ACSL3: variants seen among roughly 807,000 people sequenced by gnomAD.
The protein encoded by ACSL3 is fatty acid CoA ligase Acsl3.
In ACSL3, 34 loss-of-function variants were observed where a neutral mutation model predicts 84.7. That is an observed-to-expected ratio of 0.40 (90% CI 0.31 to 0.53). The LOEUF (loss-of-function observed/expected upper bound fraction) is 0.53. ACSL3 is among the 20% of genes least tolerant of loss of function. ACSL3 has a pLI of 0.48. For missense variants in ACSL3, 680 were observed against 873.1 expected, an observed-to-expected ratio of 0.78 and a Z score of 2.79; for synonymous variants, 315 against 299.4, an observed-to-expected ratio of 1.05 and a Z score of -0.54.
chr2:222,864,424 G>A (rs1175741109), intron 1 of ACSL3, among the ~76,000 whole-genome samples: 1 of 152,214 alleles, frequency 6.6e-6, no homozygotes, highest in African/African-American at 2.4e-5. Context: ...GATGGAGCTG[G>A]GCAGAGGAGG....
In ACSL3 at chr2:222,908,747, C is replaced by T. The variant is rs766190690; in HGVS notation, c.-26C>T. On this transcript the variant is annotated 5_prime_UTR_variant, in exon 4 of 17. Coordinates refer to ENST00000357430, the MANE Select transcript of ACSL3 (RefSeq NM_004457.5). ...CTTCCTCCTAGATTCTCGCTGAAGT[C>T]TGTTAATTCTACTTTTTGAGTACTT... The T allele has an allele frequency of 2.1e-5, 32 of 1,558,350 alleles. No individual in the cohort carries two copies. The highest frequency in any genetic ancestry group is 2.6e-5 in the Non-Finnish European group (30 of 1,162,716).
chr2:222,899,589 G>A (rs1339878418), intron 2 of ACSL3, among the ~76,000 whole-genome samples: 3 of 152,136 alleles, frequency 2.0e-5, no homozygotes, highest in African/African-American at 7.2e-5. Flanking sequence ...AATTCAGGGC[G>A]AGTCCATAGT....
chr2:222,906,167 TG>T (rs1255217067), intron 3 of ACSL3, among the ~76,000 whole-genome samples: 1 of 152,232 alleles, frequency 6.6e-6, no homozygotes, highest in Non-Finnish European at 1.5e-5. Context: ...TTAACTGACT[TG>T]GCTGAGCTAT....
rs150337253 is a variant in ACSL3 at position 222,905,408 on chromosome 2, G to T, written c.-40-3325G>T. Among the ~76,000 whole-genome samples, 912 of 152,282 alleles carry T rather than the reference G, an allele frequency of 6.0e-3. 11 individuals are homozygous for T. Among genetic ancestry groups the T allele is most frequent in the African/African-American group, 0.02 (851 of 41,554 alleles). ...ACTGCTGGGCTCAAGCAATCCGCCT[G>T]CCTTGGCCTCCCAAAGTGCTGGGAT... On this transcript the variant is annotated intron_variant, in intron 3 of 16. Coordinates refer to ENST00000357430, the MANE Select transcript of ACSL3 (RefSeq NM_004457.5).
At chr2:222,899,805 A>C (rs1330062306) in intron 2 of ACSL3, among the ~76,000 whole-genome samples, 1 of 152,194 alleles carries the variant, frequency 6.6e-6, no homozygotes, top group Non-Finnish European at 1.5e-5. Context: ...CATTGCAAAA[A>C]TCAATGTTAT....
chr2:222,869,377 CT>C (rs759346065), intron 1 of ACSL3, among the ~76,000 whole-genome samples: 1 of 152,140 alleles, frequency 6.6e-6, no homozygotes, highest in Non-Finnish European at 1.5e-5. Context: ...TTGTAACTTC[CT>C]TTTTTTCTGT....
At chr2:222,892,197 C>G (rs1320508426) in intron 2 of ACSL3, among the ~76,000 whole-genome samples, 1 of 152,170 alleles carries the variant, frequency 6.6e-6, no homozygotes, top group Non-Finnish European at 1.5e-5. Context: ...CACTGTATTA[C>G]ACATAATAAG....
chr2:222,918,410 T>C (rs1318102635), intron 6 of ACSL3, among the ~76,000 whole-genome samples: 3 of 152,060 alleles, frequency 2.0e-5, no homozygotes, highest in African/African-American at 7.2e-5. Context: ...CTTTTTCTCT[T>C]ATTGTGCTCA....
Position 222,918,079 on chromosome 2 carries a change from C to T in ACSL3, c.590C>T (p.Ala197Val). 1 of 1,612,158 alleles carries T rather than the reference C, an allele frequency of 6.2e-7. No individual in the cohort carries two copies. Among genetic ancestry groups the T allele is most frequent in the Non-Finnish European group, 8.5e-7 (1 of 1,178,928 alleles). Residue 197 changes from alanine (A) to valine (V), a missense_variant, in exon 6 of 17, where the codon GCC becomes GTC. Physicochemically the swap from Ala to Val is moderately conservative, Grantham distance 64 (BLOSUM62 0). Coordinates refer to ENST00000357430, the MANE Select transcript of ACSL3 (RefSeq NM_004457.5). ...TTATATGCCACTCTAGGAGGTCCAG[C>T]CATTGTTCATGCATTAAATGAAACA... ...VTLYATLGGPAIVHALNETEV... is the reference protein window; with the variant it reads ...VTLYATLGGPVIVHALNETEV...
chr2:222,930,865 A>C (rs1213433605), intron 14 of ACSL3, 53 bp downstream of exon 14: 13 of 1,481,746 alleles, frequency 8.8e-6, no homozygotes, highest in Non-Finnish European at 1.2e-5. Flanking sequence ...TAGTTTACAC[A>C]AGAAGCACAA....
At chr2:222,929,037 C>A in intron 13 of ACSL3, 101 bp downstream of exon 13, 1 of 879,204 alleles carries the variant, frequency 1.1e-6, no homozygotes, top group Non-Finnish European at 1.8e-6. Flanking sequence ...CCCATAAGTG[C>A]TCATTTTTGT....
At position 222,918,056 on chromosome 2, in the gene ACSL3, A is replaced by T; in HGVS notation, c.567A>T (p.Leu189Phe). The change falls in exon 6 of 17, where the codon TTA becomes TTT. Residue 189 changes from leucine (L) to phenylalanine (F), a missense_variant. Physicochemically the swap from Leu to Phe is conservative, Grantham distance 22 (BLOSUM62 0). This residue lies in a region of ACSL3 where 333 missense variants were observed against 347.5 expected (regional missense o/e 0.96). Transcript: ENST00000357430. Reference sequence around the variant, plus strand: ...TGCTTTTCCTTTTAGTTGTTACATTATATGCCACTCTAGGAGGTCCAGCCA... The same window carrying T: ...TGCTTTTCCTTTTAGTTGTTACATTTTATGCCACTCTAGGAGGTCCAGCCA... ...CFMYNFQLVT[L>F]YATLGGPAIV... is the part of the protein sequence containing the mutation. 6.2e-7 allele frequency: 1 copy of T among 1,610,118 alleles called. No homozygotes were observed.
At chr2:222,938,978 T>C (rs1283287486) in intron 16 of ACSL3, among the ~76,000 whole-genome samples, 1 of 152,166 alleles carries the variant, frequency 6.6e-6, no homozygotes, top group Non-Finnish European at 1.5e-5. Flanking sequence ...AAAATTTCTT[T>C]CATTTATACT....
At chr2:222,920,825 C>G (rs1696713414) in intron 7 of ACSL3, 3 of 371,208 alleles carry the variant, frequency 8.1e-6, no homozygotes, top group Non-Finnish European at 1.6e-5. Context: ...CACTCTGTTC[C>G]AGCCACACTC....
At chr2:222,917,358 G>C (rs1222182314) in intron 5 of ACSL3, 1 of 152,292 alleles carries the variant, frequency 6.6e-6, no homozygotes, top group South Asian at 2.1e-4. Context: ...CAGAGTGCTG[G>C]GAATATAAAC....
At chr2:222,875,138 C>T (rs1695412554) in intron 1 of ACSL3, among the ~76,000 whole-genome samples, 1 of 152,120 alleles carries the variant, frequency 6.6e-6, no homozygotes, top group South Asian at 2.1e-4. Context: ...CAGTGCCTGG[C>T]ACGTATTAAA....
intron 1 of ACSL3, among the ~76,000 whole-genome samples, chr2:222,870,427 T>C (rs1183212704): frequency 6.6e-6 from 1 of 152,186 alleles, no homozygotes; most frequent in African/African-American, 2.4e-5. Context: ...GAGTGAAAGA[T>C]GAGGCAGAAC....
At chr2:222,861,436 G>C (rs1213685020) in intron 1 of ACSL3, 178 bp downstream of exon 1, 2 of 152,056 alleles carry the variant, frequency 1.3e-5, no homozygotes, top group African/African-American at 4.8e-5. Flanking sequence ...GCAGCGGCGA[G>C]CAGGGTGGGA....
chr2:222,894,466 C>G (rs1695921195), intron 2 of ACSL3, among the ~76,000 whole-genome samples: 1 of 152,208 alleles, frequency 6.6e-6, no homozygotes, highest in Non-Finnish European at 1.5e-5. Flanking sequence ...AGCTATTTAT[C>G]ACACAATTTT....
Sources: gnomAD v4.1 joint callset for allele counts (sites outside exome capture counted in the v4.1 genomes callset) on GRCh38, gnomAD v4.1.1 for gene constraint, gnomAD v4.1.1 regional missense constraint, MANE v1.5 for transcripts, NCBI Gene and HGNC (gene_info 2026-07-23, HGNC 2026-07-21) for gene names.